The following PIEZO1 variants were observed in gnomAD, a reference collection of about 807,000 sequenced individuals.
PIEZO1 encodes the protein piezo type mechanosensitive ion channel component 1 (Er blood group).
Under a neutral mutation model 297.2 loss-of-function variants are expected in PIEZO1, and 296 were observed. That is an observed-to-expected ratio of 1.00 (90% CI 0.91 to 1.10). The LOEUF is 1.10. PIEZO1 is among the 50% of genes least tolerant of loss of function. The pLI, the probability that PIEZO1 is intolerant of heterozygous loss-of-function variation, is 0.00. For missense variants in PIEZO1, 5,018 were observed against 3,455.5 expected, an observed-to-expected ratio of 1.45 and a Z score of -11.34; for synonymous variants, 2,427 against 1,507.5, an observed-to-expected ratio of 1.61 and a Z score of -14.13.
At chr16:88,720,776 G>A (rs1233422353) in intron 39 of PIEZO1, 28 bp from the exon 40 acceptor site, 44 of 1,456,950 alleles carry the variant, frequency 3.0e-5, no homozygotes, top group Non-Finnish European at 3.8e-5. Context: ...CTTCTGCCTG[G>A]GCCCCCTGGG....
At position 88,725,665 on chromosome 16, in the gene PIEZO1, C is replaced by A. The variant is rs866681472; in HGVS notation, c.3988G>T (p.Ala1330Ser). 34 of 1,546,908 alleles carry A rather than the reference C, an allele frequency of 2.2e-5. No homozygotes were observed. The highest frequency in any genetic ancestry group is 3.9e-5 in the Admixed American group (2 of 50,962). Residue 1330 changes from alanine to serine, a missense_variant, in exon 28 of 51, where the codon GCT becomes TCT. Coordinates refer to ENST00000301015, the MANE Select transcript of PIEZO1 (RefSeq NM_001142864.4). Reference protein sequence around the residue: ...LASRGFALYNAANLKSIDFHR... With the variant: ...LASRGFALYNSANLKSIDFHR... ...AAGTCAATGCTCTTGAGGTTGGCAGCGTTGTAGAGGGCGAAGCCCCTGTAG... is the reference window on the plus strand; with the variant it reads ...AAGTCAATGCTCTTGAGGTTGGCAGAGTTGTAGAGGGCGAAGCCCCTGTAG...
chr16:88,737,839 C>G (rs1054411737), intron 8 of PIEZO1, 25 bp from the exon 9 acceptor site: 12 of 1,534,940 alleles, frequency 7.8e-6, no homozygotes, highest in African/African-American at 1.4e-5. Context: ...GTCTTGAGCC[C>G]AAACCAGCTC....
At chr16:88,778,006 C>T (rs1411518444) in intron 1 of PIEZO1, among the ~76,000 whole-genome samples, 1 of 152,246 alleles carries the variant, frequency 6.6e-6, no homozygotes, top group Admixed American at 6.5e-5. Context: ...CCACAAGCCT[C>T]CGGGAGCTCC....
In PIEZO1 at chr16:88,723,887, G is replaced by C; in HGVS notation, c.4319C>G (p.Ala1440Gly). ...CCACCTCACCTGGAAGGCACTCTGT[G>C]CCGACGGCCTCGGGTCTTCAGGAAC... ...EAVPEDPRPS[A>G]QSAFQLAYQA... Residue 1440 changes from alanine to glycine, a missense_variant, in exon 31 of 51, where the codon GCA becomes GGA. Coordinates refer to ENST00000301015, the MANE Select transcript of PIEZO1 (RefSeq NM_001142864.4). 1 of 1,541,908 alleles carries C rather than the reference G, an allele frequency of 6.5e-7. No individual in the cohort carries two copies. The highest frequency in any genetic ancestry group is 8.8e-7 in the Non-Finnish European group (1 of 1,139,168).
intron 1 of PIEZO1, among the ~76,000 whole-genome samples, chr16:88,776,228 A>G (rs1907656811): frequency 6.6e-6 from 1 of 152,180 alleles, no homozygotes; most frequent in Non-Finnish European, 1.5e-5. Flanking sequence ...AGGTCAGGAG[A>G]TTGAGACCAT....
Position 88,715,618 on chromosome 16 carries a change from C to T in PIEZO1, c.7553G>A (p.Arg2518His), listed in dbSNP as rs774268616. 5.1e-5 allele frequency: 79 copies of T among 1,549,824 alleles called. No homozygotes were observed. Among genetic ancestry groups the T allele is most frequent in the East Asian group, 2.0e-4 (8 of 40,920 alleles). ...CAGCAGCAGCTCCTACTCCTTCTCA[C>T]GAGTCCACTTGATCATGGTCTCCGG... ...RSPETMIKWT[R>H]EKE The change falls in exon 51 of 51, where the codon CGT (arginine) becomes CAT (histidine). Residue 2518 changes from arginine to histidine, a missense_variant. Transcript: ENST00000301015.
Position 88,725,672 on chromosome 16 carries a change from G to A in PIEZO1, c.3981C>T (p.Leu1327=), listed in dbSNP as rs932936996. ...TALLASRGFA[L]YNAANLKSID... Reference sequence around the variant, plus strand: ...TGCTCTTGAGGTTGGCAGCGTTGTAGAGGGCGAAGCCCCTGTAGGGAGGCG... The same window carrying A: ...TGCTCTTGAGGTTGGCAGCGTTGTAAAGGGCGAAGCCCCTGTAGGGAGGCG... Residue 1327 remains leucine (L), a synonymous_variant, in exon 28 of 51, where the codon CTC becomes CTT. Coordinates refer to ENST00000301015, the MANE Select transcript of PIEZO1 (RefSeq NM_001142864.4). The A allele has an allele frequency of 1.4e-5, 21 of 1,544,186 alleles. No individual in the cohort carries two copies. In the African/African-American group the frequency reaches 2.7e-4, roughly 20 times the overall value.
intron 2 of PIEZO1, among the ~76,000 whole-genome samples, 197 bp downstream of exon 2, chr16:88,749,187 C>T (rs1351059062): frequency 6.6e-6 from 1 of 151,516 alleles, no homozygotes; most frequent in Non-Finnish European, 1.5e-5. Flanking sequence ...CTGCAGTGAG[C>T]AGAGATCGCG....
intron 1 of PIEZO1, among the ~76,000 whole-genome samples, chr16:88,760,454 C>T (rs7203655): frequency 0.5 from 76,801 of 152,244 alleles, 19,518 homozygotes; most frequent in East Asian, 0.61. Flanking sequence ...TTGAACCAAC[C>T]CCTGTCATCT....
intron 17 of PIEZO1, 61 bp from the exon 18 acceptor site, chr16:88,733,806 A>G: frequency 6.8e-7 from 1 of 1,475,890 alleles, no homozygotes; most frequent in African/African-American, 1.4e-5. Context: ...CCCTGTGAGG[A>G]AGAGGCTCTG....
chr16:88,719,815 A>G lies in PIEZO1; in HGVS notation c.6310T>C (p.Phe2104Leu). The change falls in exon 43 of 51, where the codon TTC (phenylalanine) becomes CTC (leucine). Residue 2104 changes from phenylalanine (F) to leucine (L), a missense_variant. Transcript: ENST00000301015. ...ACCTGCACTCACCCCTGGAAGAGGAAGAGGTTGAGATGATTGTACTTCTTG... is the reference window on the plus strand; with the variant it reads ...ACCTGCACTCACCCCTGGAAGAGGAGGAGGTTGAGATGATTGTACTTCTTG... ...LTKKYNHLNL[F>L]LFQGFRLVPF... The G allele has an allele frequency of 6.4e-7, 1 of 1,550,488 alleles. No homozygotes were observed. The highest frequency in any genetic ancestry group is 8.7e-7 in the Non-Finnish European group (1 of 1,146,912).
In PIEZO1 at chr16:88,723,423, C is replaced by T. The variant is rs1014093077; in HGVS notation, c.4336-95G>A. On this transcript the variant is annotated intron_variant, in intron 31 of 50. Transcript: ENST00000301015. ...GGCAAGCCGGGCGCCAGATCCAGAT[C>T]CCTGCTCTGTGTCTCCCAGGGACCT... The T allele has an allele frequency of 1.0e-5, 14 of 1,398,856 alleles. No individual in the cohort carries two copies. The South Asian group carries it at 1.5e-4, about 15-fold the overall frequency. The allele number at this position is 1,398,856 out of a possible 1,614,324, so 86.7% of individuals were successfully genotyped here. A position where few individuals can be genotyped will look rare whatever the true frequency, so the allele number is the denominator to read the frequency against.
Position 88,721,550 on chromosome 16 carries a change from G to C in PIEZO1, c.5391C>G (p.Arg1797=), listed in dbSNP as rs543060098. The change falls in exon 38 of 51, where the codon CGC becomes CGG. Residue 1797 remains arginine (R), a synonymous_variant. Coordinates refer to ENST00000301015, the MANE Select transcript of PIEZO1 (RefSeq NM_001142864.4). The part of the protein sequence containing the change: ...LVQLMALFFH[R]SQLLCYGLWD... ...GGCTCACACTCACCAGCAGCTGGGA[G>C]CGGTGGAAGAAAAGGGCCATGAGCT... 5 of 1,549,542 alleles carry C rather than the reference G, an allele frequency of 3.2e-6. No homozygotes were observed. Among genetic ancestry groups the C allele is most frequent in the Non-Finnish European group, 4.4e-6 (5 of 1,146,376 alleles).
intron 39 of PIEZO1, 88 bp downstream of exon 39, chr16:88,721,078 G>T: frequency 7.6e-7 from 1 of 1,309,798 alleles, no homozygotes; most frequent in South Asian, 1.5e-5. Flanking sequence ...CACTGGGCTT[G>T]GCCGTCTCAT....
intron 1 of PIEZO1, among the ~76,000 whole-genome samples, chr16:88,767,489 T>A (rs1421341474): frequency 6.6e-6 from 1 of 152,136 alleles, no homozygotes; most frequent in Non-Finnish European, 1.5e-5. Context: ...ACTCCCCCAC[T>A]GCAGGTGACT....
Position 88,717,224 on chromosome 16 carries a change from G to C in PIEZO1, c.6472-13C>G. The C allele has an allele frequency of 6.5e-7, 1 of 1,545,346 alleles. No individual in the cohort carries two copies. The highest frequency in any genetic ancestry group is 8.7e-7 in the Non-Finnish European group (1 of 1,146,176). ...GCTGCGGGTATTTCTGGAGGGGAAC[G>C]ACACAGGTCATACGCTCAGCTCTGC... On this transcript the variant is annotated splice_polypyrimidine_tract_variant and intron_variant, in intron 44 of 50. Coordinates refer to ENST00000301015, the MANE Select transcript of PIEZO1 (RefSeq NM_001142864.4).
In PIEZO1 at chr16:88,743,881, G is replaced by GAGC. The variant is rs565788425; in HGVS notation, c.161-1462_161-1460dup. On this transcript the variant is annotated intron_variant, in intron 2 of 50. Transcript: ENST00000301015. The stretch of plus-strand genomic sequence containing the variant: ...CTGACCTGTGGAGGATGGGAGGGGT[G>GAGC]AGCAGCAGGGAGAGTGGGAAGGAGG... The GAGC allele has an allele frequency of 1.5e-3, 484 of 314,352 alleles. 2 individuals carry two copies. Among genetic ancestry groups the GAGC allele is most frequent in the African/African-American group, 0.01 (460 of 45,746 alleles). The allele number at this position is 314,352 out of a possible 1,614,324, so 19.5% of individuals were successfully genotyped here.
In PIEZO1 at chr16:88,716,430, G is replaced by A; in HGVS notation, c.6980C>T (p.Ala2327Val). The A allele has an allele frequency of 6.5e-7, 1 of 1,549,780 alleles. No individual in the cohort carries two copies. Among genetic ancestry groups the A allele is most frequent in the Non-Finnish European group, 8.7e-7 (1 of 1,146,668 alleles). ...VEYANEKHML[A>V]LAPNSTARRQ... ...CCGTGCAGTGCTGTTGGGGGCCAGG[G>A]CCAGCATGTGCTTCTCGTTGGCATA... The change falls in exon 48 of 51, where the codon GCC becomes GTC. Residue 2327 changes from alanine to valine, a missense_variant. Ala to Val is a moderately conservative substitution (Grantham distance 64). Transcript: ENST00000301015.
chr16:88,726,935 A>G lies in PIEZO1; in HGVS notation c.3479T>C (p.Val1160Ala), dbSNP rs1299201436. 3 of 1,550,238 alleles carry G rather than the reference A, an allele frequency of 1.9e-6. No homozygotes were observed. The highest frequency in any genetic ancestry group is 1.4e-5 in the African/African-American group (1 of 73,018). ...CCAGAACAGGTATCGGAAGACGGCC[A>G]CCTTCAGCATGTCAAGGTAGGACCT... ...HCRSYLDMLK[V>A]AVFRYLFWLV... Residue 1160 changes from valine (V) to alanine (A), a missense_variant, in exon 25 of 51, where the codon GTG (valine) becomes GCG (alanine). Coordinates refer to ENST00000301015, the MANE Select transcript of PIEZO1 (RefSeq NM_001142864.4).
Sources: gnomAD v4.1 joint callset for allele counts (sites outside exome capture counted in the v4.1 genomes callset) on GRCh38, gnomAD v4.1.1 for gene constraint, MANE v1.5 for transcripts, NCBI Gene and HGNC (gene_info 2026-07-23, HGNC 2026-07-21) for gene names.